VWA3B: variants seen among roughly 807,000 people sequenced by gnomAD.
The protein encoded by VWA3B is von Willebrand factor A domain-containing protein 3B.
VWA3B carries 138 observed loss-of-function variants against 158.3 expected under a neutral mutation model. The ratio of observed to expected loss-of-function variants is 0.87; its 90% CI spans 0.76 to 1.00. The LOEUF is 1.00. Among genes scored for constraint, VWA3B ranks in the 50% least tolerant of loss-of-function variants. The pLI, the probability that VWA3B is intolerant of heterozygous loss-of-function variation, is 0.00. For missense variants in VWA3B, 1,555 were observed against 1,565.1 expected, an observed-to-expected ratio of 0.99 and a Z score of 0.11; for synonymous variants, 596 against 587.3, an observed-to-expected ratio of 1.01 and a Z score of -0.21.
intron 23 of VWA3B, 55 bp downstream of exon 23, chr2:98,290,677 G>A: frequency 3.2e-6 from 4 of 1,252,618 alleles, no homozygotes; most frequent in East Asian, 2.5e-5. Context: ...TTGATACTAG[G>A]GACAAGAAGT....
chr2:98,313,722 T>C (rs1019473167), downstream of VWA3B, among the ~76,000 whole-genome samples: 1 of 152,186 alleles, frequency 6.6e-6, no homozygotes, highest in Admixed American at 6.5e-5. Flanking sequence ...TCTGTACCCA[T>C]CTCGCTCTCT....
At chr2:98,188,358 C>T (rs1305977404) in intron 10 of VWA3B, among the ~76,000 whole-genome samples, 2 of 152,106 alleles carry the variant, frequency 1.3e-5, no homozygotes, top group Non-Finnish European at 2.9e-5. Context: ...TGTGAACATT[C>T]AAAATTCTCT....
chr2:98,236,557 C>T lies in VWA3B; in HGVS notation c.2517-17C>T. ...TCAAGTTGTAAATTTTAAAACACCA[C>T]CTCCTTGTGTTCTTAGTTCTTCAGA... On this transcript the variant is annotated splice_polypyrimidine_tract_variant and intron_variant, in intron 18 of 27. Transcript: ENST00000477737. 1 of 1,614,008 alleles carries T rather than the reference C, an allele frequency of 6.2e-7. No homozygotes were observed. The highest frequency in any genetic ancestry group is 8.5e-7 in the Non-Finnish European group (1 of 1,179,918).
chr2:98,088,669 A>G lies in VWA3B; in HGVS notation c.-33+1306A>G, dbSNP rs115744081. The stretch of plus-strand genomic sequence containing the variant: ...CGACTTCTGGGTTACTTGGTTCCCC[A>G]ATTTATAATAACCTCAGCTGAGGAA... On this transcript the variant is annotated intron_variant, in intron 1 of 27. Transcript: ENST00000477737. 8.3e-3 allele frequency among the ~76,000 whole-genome samples: 1,270 copies of G among 152,314 alleles called. 21 individuals carry two copies. Among genetic ancestry groups the G allele is most frequent in the African/African-American group, 0.029 (1,188 of 41,548 alleles).
chr2:98,237,492 G>T (rs375107174), intron 19 of VWA3B, among the ~76,000 whole-genome samples: 1 of 152,168 alleles, frequency 6.6e-6, no homozygotes, highest in Non-Finnish European at 1.5e-5. Flanking sequence ...GTCCTAGGCC[G>T]GTCCCGAGAG....
At position 98,119,670 on chromosome 2, in the gene VWA3B, G is replaced by C. The variant is rs200875707; in HGVS notation, c.449G>C (p.Gly150Ala). Residue 150 changes from glycine (G) to alanine (A), a missense_variant, in exon 4 of 28, where the codon GGC becomes GCC. Transcript: ENST00000477737. ...QCVTIVLDFGGILEGELDLCR... is the reference protein window; with the variant it reads ...QCVTIVLDFGAILEGELDLCR... ...GTCACCATAGTGCTGGATTTTGGCG[G>C]CATTCTGGAGGGGGAGCTTGATCTG... 6.2e-7 allele frequency: 1 copy of C among 1,614,122 alleles called. No homozygotes were observed. Among genetic ancestry groups the C allele is most frequent in the Non-Finnish European group, 8.5e-7 (1 of 1,180,026 alleles).
chr2:98,116,948 G>C (rs1182815561), intron 3 of VWA3B, among the ~76,000 whole-genome samples: 1 of 152,212 alleles, frequency 6.6e-6, no homozygotes, highest in Non-Finnish European at 1.5e-5. Context: ...TATTTCTGTA[G>C]TGAATTGTTC....
chr2:98,131,239 T>C (rs1294787448), intron 6 of VWA3B, among the ~76,000 whole-genome samples: 2 of 152,240 alleles, frequency 1.3e-5, no homozygotes, highest in African/African-American at 4.8e-5. Context: ...TTTCCCGTAA[T>C]ATAATGACCT....
intron 2 of VWA3B, among the ~76,000 whole-genome samples, chr2:98,093,926 A>G (rs1399182173): frequency 6.6e-6 from 1 of 152,088 alleles, no homozygotes; most frequent in Non-Finnish European, 1.5e-5. Flanking sequence ...ATTTTATTTA[A>G]CATAATGCCC....
intron 21 of VWA3B, chr2:98,269,462 G>A (rs2221416): frequency 0.42 from 63,828 of 151,954 alleles, 13,851 homozygotes; most frequent in Admixed American, 0.47. Flanking sequence ...TGCAAAATAT[G>A]CCACTGTTCT....
intron 7 of VWA3B, among the ~76,000 whole-genome samples, chr2:98,139,178 C>G (rs575088567): frequency 9.4e-4 from 143 of 152,370 alleles, no homozygotes; most frequent in African/African-American, 3.1e-3. Flanking sequence ...ACTGGGTCCC[C>G]CAGCAGTGCC....
In VWA3B at chr2:98,312,527, G is replaced by A; in HGVS notation, c.*178G>A. 3 of 713,294 alleles carry A rather than the reference G, an allele frequency of 4.2e-6. No individual in the cohort carries two copies. Among genetic ancestry groups the A allele is most frequent in the South Asian group, 2.7e-5 (1 of 37,080 alleles). The allele number at this position is 713,294 out of a possible 1,614,324, so 44.2% of individuals were successfully genotyped here. On this transcript the variant is annotated 3_prime_UTR_variant, in exon 28 of 28. Coordinates refer to ENST00000477737, the MANE Select transcript of VWA3B (RefSeq NM_144992.5). The stretch of plus-strand genomic sequence containing the variant: ...TCCATCCCTGCTGCCTCCCCTACCC[G>A]TTTGACGACTTGGTTCTGGCTTTTT...
chr2:98,209,067 C>T (rs1683268374), intron 12 of VWA3B, among the ~76,000 whole-genome samples: 1 of 152,170 alleles, frequency 6.6e-6, no homozygotes, highest in African/African-American at 2.4e-5. Context: ...TCTATAGTTT[C>T]AGATGAGAAA....
At chr2:98,194,697 T>A (rs1681895623) in intron 12 of VWA3B, among the ~76,000 whole-genome samples, 1 of 152,224 alleles carries the variant, frequency 6.6e-6, no homozygotes, top group African/African-American at 2.4e-5. Context: ...GAGCCTCTTA[T>A]TCTTATCTAC....
intron 6 of VWA3B, among the ~76,000 whole-genome samples, chr2:98,129,346 C>T (rs72817748): frequency 0.14 from 20,120 of 148,534 alleles, 2,053 homozygotes; most frequent in Non-Finnish European, 0.2. Context: ...AGCAGAGAGA[C>T]GGAGAAAGAG....
chr2:98,120,799 T>C (rs987632570), intron 4 of VWA3B, among the ~76,000 whole-genome samples: 2 of 152,174 alleles, frequency 1.3e-5, no homozygotes, highest in Non-Finnish European at 2.9e-5. Context: ...TCTGTTGAAC[T>C]CAAAACAATA....
chr2:98,216,768 A>G (rs762562086), intron 13 of VWA3B: 2 of 483,884 alleles, frequency 4.1e-6, no homozygotes, highest in South Asian at 3.1e-5. Flanking sequence ...ACATCATCTC[A>G]TTTACTCCTC....
chr2:98,224,911 T>C (rs1192088620), intron 14 of VWA3B, among the ~76,000 whole-genome samples: 1 of 152,216 alleles, frequency 6.6e-6, no homozygotes, highest in Non-Finnish European at 1.5e-5. Context: ...GTATTAAAAA[T>C]TATACACTAT....
chr2:98,219,178 G>T (rs1684281069), intron 14 of VWA3B, among the ~76,000 whole-genome samples: 1 of 152,096 alleles, frequency 6.6e-6, no homozygotes, highest in Non-Finnish European at 1.5e-5. Flanking sequence ...CCCATAATGA[G>T]GAGGAAAAAC....
Sources: allele counts gnomAD v4.1 joint callset (sites outside exome capture counted in the v4.1 genomes callset), GRCh38; gene constraint gnomAD v4.1.1; transcripts MANE v1.5; gene names NCBI Gene and HGNC (gene_info 2026-07-23, HGNC 2026-07-21).